CUX1: variants seen among roughly 807,000 people sequenced by gnomAD.
CUX1 encodes the protein protein CASP.
Under a neutral mutation model 158.8 loss-of-function variants are expected in CUX1, and 31 were observed. The ratio of observed to expected loss-of-function variants is 0.20; its 90% CI spans 0.15 to 0.26. The LOEUF (loss-of-function observed/expected upper bound fraction) is 0.26, where lower values mean the gene tolerates loss of function less well. CUX1 is among the 10% of genes least tolerant of loss of function. The pLI is 1.00. For synonymous variants in CUX1, 879 were observed against 862.1 expected (o/e 1.02, Z -0.34); for missense variants, 1,589 against 2,014.6 (o/e 0.79, Z 4.04).
chr7:102,128,568 T>C (rs1554496137), intron 8 of CUX1, among the ~76,000 whole-genome samples: 4 of 150,096 alleles, frequency 2.7e-5, no homozygotes, highest in Non-Finnish European at 5.9e-5. Context: ...ACAGCATGAG[T>C]CACGGTGGGA....
intron 2 of CUX1, among the ~76,000 whole-genome samples, chr7:101,929,603 C>A (rs1001312747): frequency 6.6e-6 from 1 of 152,162 alleles, no homozygotes; most frequent in African/African-American, 2.4e-5. Flanking sequence ...TGGTTGAAAT[C>A]GTGGTGAGCT....
intron 4 of CUX1, among the ~76,000 whole-genome samples, chr7:102,080,382 C>T (rs782160716): frequency 6.6e-6 from 1 of 152,168 alleles, no homozygotes; most frequent in Non-Finnish European, 1.5e-5. Flanking sequence ...CCCTGAATTC[C>T]AGTTGATTTT....
At chr7:102,026,842 A>C (rs936045400) in intron 2 of CUX1, among the ~76,000 whole-genome samples, 3 of 150,884 alleles carry the variant, frequency 2.0e-5, no homozygotes, top group Non-Finnish European at 4.4e-5. Context: ...AAAAAAAAAA[A>C]AACATAGTTT....
intron 6 of CUX1, among the ~76,000 whole-genome samples, chr7:102,105,175 TTACACA>T (rs782607073): frequency 1.9e-5 from 2 of 106,422 alleles, no homozygotes; most frequent in Non-Finnish European, 3.8e-5. Context: ...ATATTTAATA[TTACACA>T]CACACACACA....
intron 4 of CUX1, among the ~76,000 whole-genome samples, chr7:102,075,944 C>T (rs782590762): frequency 2.6e-4 from 40 of 152,160 alleles, no homozygotes; most frequent in Non-Finnish European, 5.0e-4. Context: ...CCAGACGTCC[C>T]GCCGGCGCCC....
At chr7:102,134,504 G>A (rs1402772265) in intron 8 of CUX1, among the ~76,000 whole-genome samples, 5 of 152,260 alleles carry the variant, frequency 3.3e-5, no homozygotes, top group Middle Eastern at 3.4e-3. Flanking sequence ...AGAGGGGACC[G>A]TGGCAAAGGA....
chr7:102,260,639 ATCTCGAAC>A (rs1379682311), downstream of CUX1, among the ~76,000 whole-genome samples: 2 of 101,574 alleles, frequency 2.0e-5, no homozygotes, highest in African/African-American at 3.9e-5. Context: ...GGCCAGGCTG[ATCTCGAAC>A]TCCTGACTTC....
At chr7:102,079,903 T>A (rs1476517461) in intron 4 of CUX1, among the ~76,000 whole-genome samples, 2 of 152,096 alleles carry the variant, frequency 1.3e-5, no homozygotes, top group Non-Finnish European at 2.9e-5. Flanking sequence ...GGCTGTATGC[T>A]CTGTCCCAGT....
rs1398246789 is a variant in CUX1 at position 102,198,828 on chromosome 7, C to G, written c.1921C>G (p.Leu641Val). 1.2e-5 allele frequency: 20 copies of G among 1,614,200 alleles called. No homozygotes were observed. Among genetic ancestry groups the G allele is most frequent in the Non-Finnish European group, 1.6e-5 (19 of 1,180,032 alleles). Residue 641 changes from leucine (L) to valine (V), a missense_variant, in exon 16 of 24, where the codon CTA (leucine) becomes GTA (valine). Physicochemically the swap from Leu to Val is conservative, Grantham distance 32. Transcript: ENST00000292535. ...GAATCCAGGCCAGAGCCTGAACAGA[C>G]TATTTCAGGAAGTACCGAAACGAAG... ...RENPGQSLNR[L>V]FQEVPKRRNG...
At chr7:102,232,166 C>CTT (rs1319917111) in intron 21 of CUX1, among the ~76,000 whole-genome samples, 1 of 150,960 alleles carries the variant, frequency 6.6e-6, no homozygotes, top group African/African-American at 2.4e-5. Context: ...TTTTCTTTTT[C>CTT]TTTTTCTTTT....
At chr7:101,856,895 C>T (rs767905189) in intron 1 of CUX1, among the ~76,000 whole-genome samples, 4 of 152,222 alleles carry the variant, frequency 2.6e-5, no homozygotes, top group East Asian at 1.9e-4. Context: ...GCCTGCCAGC[C>T]GTACCACAGG....
chr7:101,826,940 T>C (rs975927788), intron 1 of CUX1, among the ~76,000 whole-genome samples: 3 of 152,228 alleles, frequency 2.0e-5, no homozygotes, highest in African/African-American at 4.8e-5. Context: ...AATTCTTTTT[T>C]TTAATATAGT....
chr7:102,031,542 A>G (rs1820783807), intron 3 of CUX1, among the ~76,000 whole-genome samples: 2 of 152,284 alleles, frequency 1.3e-5, no homozygotes, highest in South Asian at 2.1e-4. Context: ...GGCCATATGA[A>G]AGCTAATCAT....
chr7:102,031,927 CTTT>C (rs140940307), intron 3 of CUX1, among the ~76,000 whole-genome samples: 2 of 143,320 alleles, frequency 1.4e-5, no homozygotes, highest in African/African-American at 2.6e-5. Flanking sequence ...ATAATTTGTA[CTTT>C]TTTTTTTTTT....
intron 1 of CUX1, among the ~76,000 whole-genome samples, chr7:101,861,237 G>A (rs768174646): frequency 7.9e-5 from 12 of 152,082 alleles, no homozygotes; most frequent in Admixed American, 2.0e-4. Flanking sequence ...CTTTAGCTGC[G>A]CCCACCAGTC....
At position 102,258,087 on chromosome 7, in the gene CUX1, C is replaced by G; in HGVS notation, c.*9045C>G. 1.0e-6 allele frequency: 1 copy of G among 985,250 alleles called. No homozygotes were observed. Among genetic ancestry groups the G allele is most frequent in the Non-Finnish European group, 1.2e-6 (1 of 829,898 alleles). The allele number at this position is 985,250 out of a possible 1,614,324, so 61.0% of individuals were successfully genotyped here. The stretch of plus-strand genomic sequence containing the variant: ...GTGTTGTCCCTCTGTCTTTGGTTAG[C>G]CATACGATGTTTGTTCTCAGCACTG... On this transcript the variant is annotated 3_prime_UTR_variant, in exon 24 of 24. Transcript: ENST00000292535.
At chr7:101,985,659 T>C (rs1236955153) in intron 2 of CUX1, among the ~76,000 whole-genome samples, 1 of 152,222 alleles carries the variant, frequency 6.6e-6, no homozygotes, top group Non-Finnish European at 1.5e-5. Flanking sequence ...CACATCTCAG[T>C]TTCCTCATCT....
chr7:101,885,142 G>A lies in CUX1; in HGVS notation c.31-30973G>A, dbSNP rs527520958. ...CATTTTGAGGTCTGTCTCCTTTGGCGGGAGTCTGGGAGGAATCTTCCAGTT... is the reference window on the plus strand; with the variant it reads ...CATTTTGAGGTCTGTCTCCTTTGGCAGGAGTCTGGGAGGAATCTTCCAGTT... On this transcript the variant is annotated intron_variant, in intron 1 of 23. Transcript: ENST00000292535. Among the ~76,000 whole-genome samples, 233 of 152,324 alleles carry A rather than the reference G, an allele frequency of 1.5e-3. 1 individual carries two copies. Among genetic ancestry groups the A allele is most frequent in the African/African-American group, 5.3e-3 (220 of 41,570 alleles).
At chr7:101,971,895 A>T (rs890748293) in intron 2 of CUX1, among the ~76,000 whole-genome samples, 8 of 152,170 alleles carry the variant, frequency 5.3e-5, no homozygotes, top group African/African-American at 1.9e-4. Flanking sequence ...GAGTGGATAC[A>T]CCTCTTTCTA....
Sources: gnomAD v4.1 joint callset for allele counts (sites outside exome capture counted in the v4.1 genomes callset) on GRCh38, gnomAD v4.1.1 for gene constraint, MANE v1.5 for transcripts, NCBI Gene and HGNC (gene_info 2026-07-23, HGNC 2026-07-21) for gene names.